Variants in GEMIN5 observed in about 807,000 individuals in gnomAD.
The protein encoded by GEMIN5 is gem nuclear organelle associated protein 5, also known as gem-associated protein 5.
In GEMIN5, 124 loss-of-function variants were observed where a neutral mutation model predicts 176.9. The ratio of observed to expected loss-of-function variants is 0.70; its 90% CI spans 0.61 to 0.81. The LOEUF (loss-of-function observed/expected upper bound fraction) is 0.81. Among genes scored for constraint, GEMIN5 ranks in the 40% least tolerant of loss-of-function variants. GEMIN5 has a pLI of 0.00. For synonymous variants in GEMIN5, 673 were observed against 665.2 expected (o/e 1.01, Z -0.18); for missense variants, 1,843 against 1,814.6 (o/e 1.02, Z -0.28).
At chr5:154,911,977 C>CA (rs1763712491) in intron 14 of GEMIN5, 79 bp from the exon 15 acceptor site, 8 of 1,211,054 alleles carry the variant, frequency 6.6e-6, no homozygotes, top group South Asian at 1.6e-5. Flanking sequence ...TAATTAAAAA[C>CA]AAAAAACAAA....
rs1162076253 is a variant in GEMIN5 at position 154,907,800 on chromosome 5, A to G, written c.2186T>C (p.Leu729Ser). 1.2e-6 allele frequency: 2 copies of G among 1,612,952 alleles called. No individual in the cohort carries two copies. The highest frequency in any genetic ancestry group is 1.7e-6 in the Non-Finnish European group (2 of 1,179,622). ...RPPQGKKSIELEKKRLSQPKA... is the reference protein window; with the variant it reads ...RPPQGKKSIESEKKRLSQPKA... ...AGGTTGAGAGAGCCGTTTTTTCTCC[A>G]ATTCAATACTTTTTTTGCCTACAAG... Residue 729 changes from leucine (L) to serine (S), a missense_variant, in exon 16 of 28, where the codon TTG becomes TCG. Leu to Ser is a moderately radical substitution (Grantham distance 145, BLOSUM62 -2). Transcript: ENST00000285873.
chr5:154,905,223 C>A, intron 17 of GEMIN5, 140 bp downstream of exon 17: 1 of 456,866 alleles, frequency 2.2e-6, no homozygotes, highest in Non-Finnish European at 4.0e-6. Context: ...ACAAAAAACC[C>A]ATAATCAGAA....
intron 11 of GEMIN5, among the ~76,000 whole-genome samples, chr5:154,919,223 T>C (rs957121242): frequency 5.3e-5 from 8 of 151,936 alleles, no homozygotes; most frequent in African/African-American, 1.7e-4. Context: ...CCCAGATACT[T>C]GGGAGGCTGA....
chr5:154,887,958 G>A lies in GEMIN5; in HGVS notation c.*252C>T, dbSNP rs1483878846. The A allele has an allele frequency of 1.5e-5, 7 of 456,796 alleles. No homozygotes were observed. The highest frequency in any genetic ancestry group is 6.0e-5 in the African/African-American group (3 of 50,312). 28.3% of individuals were successfully genotyped at this position (456,796 alleles called of 1,614,324 possible). The stretch of plus-strand genomic sequence containing the variant: ...TAGAGATGACCAACACTCTGCAGGT[G>A]TTAGTTCTGAATAACTACTGTGGGC... On this transcript the variant is annotated 3_prime_UTR_variant, in exon 28 of 28. Transcript: ENST00000285873.
intron 3 of GEMIN5, 21 bp downstream of exon 3, chr5:154,935,820 T>C (rs761686545): frequency 1.3e-6 from 2 of 1,552,682 alleles, no homozygotes; most frequent in Non-Finnish European, 1.8e-6. Context: ...AAATCATCAA[T>C]ACAGATGGCA....
intron 17 of GEMIN5, 113 bp from the exon 18 acceptor site, chr5:154,904,742 A>C (rs1582657905): frequency 1.4e-6 from 1 of 730,104 alleles, no homozygotes; most frequent in East Asian, 2.6e-5. Flanking sequence ...AGGCAGAGAA[A>C]GCTCCTCCTC....
intron 2 of GEMIN5, among the ~76,000 whole-genome samples, chr5:154,936,260 T>A (rs1371352205): frequency 4.6e-5 from 7 of 151,950 alleles, no homozygotes; most frequent in Admixed American, 4.6e-4. Flanking sequence ...GCTAAAAACA[T>A]AAAAAAATTA....
At chr5:154,917,635 T>G (rs1763839811) in intron 12 of GEMIN5, among the ~76,000 whole-genome samples, 1 of 152,188 alleles carries the variant, frequency 6.6e-6, no homozygotes, top group Admixed American at 6.5e-5. Flanking sequence ...TGACTAGGCT[T>G]ACTTTAAAAA....
chr5:154,932,193 A>C lies in GEMIN5; in HGVS notation c.567T>G (p.His189Gln). The C allele has an allele frequency of 6.2e-7, 1 of 1,610,890 alleles. No homozygotes were observed. The highest frequency in any genetic ancestry group is 8.5e-7 in the Non-Finnish European group (1 of 1,176,990). ...TTTCATCATCATGGCCTCGAAGCCT[A>C]TGAATAACTTCTCCTTTCTTACTGA... The part of the protein sequence containing the change: ...IDISKKGEVI[H>Q]RLRGHDDEIH... Residue 189 changes from histidine to glutamine, a missense_variant, in exon 4 of 28, where the codon CAT becomes CAG. Physicochemically the swap from His to Gln is conservative, Grantham distance 24 (BLOSUM62 0). Transcript: ENST00000285873.
Position 154,904,504 on chromosome 5 carries a change from T to C in GEMIN5, c.2632+3A>G. On this transcript the variant is annotated splice_donor_region_variant and intron_variant, in intron 18 of 27. Coordinates refer to ENST00000285873, the MANE Select transcript of GEMIN5 (RefSeq NM_015465.5). ...GATGGGCCAAGGAAGTACATTTTTG[T>C]ACCTCTGGAGTGCTTTGCAGTTGCT... is the stretch of plus-strand genomic sequence containing the variant. 6.2e-7 allele frequency: 1 copy of C among 1,613,330 alleles called. No individual in the cohort carries two copies. The highest frequency in any genetic ancestry group is 1.3e-5 in the African/African-American group (1 of 75,052).
At chr5:154,932,781 TCTCAAACTCCTGGG>T (rs1314851088) in intron 3 of GEMIN5, among the ~76,000 whole-genome samples, 7 of 152,088 alleles carry the variant, frequency 4.6e-5, no homozygotes, top group African/African-American at 1.4e-4. Flanking sequence ...TCATGGCTGG[TCTCAAACTCCTGGG>T]CTCAAGCAAT....
intron 16 of GEMIN5, among the ~76,000 whole-genome samples, chr5:154,906,617 C>T (rs1763573775): frequency 6.6e-6 from 1 of 152,130 alleles, no homozygotes; most frequent in Non-Finnish European, 1.5e-5. Context: ...TGCTGTGTTG[C>T]CCAGGCTGGC....
Position 154,888,004 on chromosome 5 carries a change from G to T in GEMIN5, c.*206C>A. 1 of 553,214 alleles carries T rather than the reference G, an allele frequency of 1.8e-6. No individual in the cohort carries two copies. Among genetic ancestry groups the T allele is most frequent in the Non-Finnish European group, 3.2e-6 (1 of 310,940 alleles). The allele number at this position is 553,214 out of a possible 1,614,324, so 34.3% of individuals were successfully genotyped here. On this transcript the variant is annotated 3_prime_UTR_variant, in exon 28 of 28. Coordinates refer to ENST00000285873, the MANE Select transcript of GEMIN5 (RefSeq NM_015465.5). ...TGGGCTTTTCATGATCTTCCCTCCA[G>T]TAGGAGACCACAATTGAGTCTAAAG...
In GEMIN5 at chr5:154,928,507, C is replaced by A; in HGVS notation, c.914+20G>T. ...GAAAAACAAAATATATCTGAGAAAGCATGACCAAAAAAGACTTACCCAAAA... is the reference window on the plus strand; with the variant it reads ...GAAAAACAAAATATATCTGAGAAAGAATGACCAAAAAAGACTTACCCAAAA... On this transcript the variant is annotated intron_variant, in intron 6 of 27. Coordinates refer to ENST00000285873, the MANE Select transcript of GEMIN5 (RefSeq NM_015465.5). The A allele has an allele frequency of 6.2e-7, 1 of 1,612,314 alleles. No homozygotes were observed. Among genetic ancestry groups the A allele is most frequent in the Non-Finnish European group, 8.5e-7 (1 of 1,178,890 alleles).
At chr5:154,899,446 G>C (rs1763421574) in intron 21 of GEMIN5, 136 bp from the exon 22 acceptor site, 1 of 634,706 alleles carries the variant, frequency 1.6e-6, no homozygotes. Context: ...AACTGCACTT[G>C]CATTATATAG....
intron 7 of GEMIN5, among the ~76,000 whole-genome samples, chr5:154,926,434 A>G (rs1375653952): frequency 6.6e-6 from 1 of 152,166 alleles, no homozygotes; most frequent in East Asian, 1.9e-4. Flanking sequence ...CAGTGGAAAA[A>G]TCAAAGAACT....
chr5:154,936,880 C>A lies in GEMIN5; in HGVS notation c.327+145G>T. 3 of 647,460 alleles carry A rather than the reference C, an allele frequency of 4.6e-6. No homozygotes were observed. In the South Asian group the frequency reaches 7.8e-5, roughly 17 times the overall value. 40.1% of individuals were successfully genotyped at this position (647,460 alleles called of 1,614,324 possible). A position where few individuals can be genotyped will look rare whatever the true frequency, so the allele number is the denominator to read the frequency against. Reference sequence around the variant, plus strand: ...TATCTCCTTTCAAAAAAAGTTGAGACATCTTACAATATAGTTTCTTATCTA... The same window carrying A: ...TATCTCCTTTCAAAAAAAGTTGAGAAATCTTACAATATAGTTTCTTATCTA... On this transcript the variant is annotated intron_variant, in intron 2 of 27. Coordinates refer to ENST00000285873, the MANE Select transcript of GEMIN5 (RefSeq NM_015465.5).
intron 4 of GEMIN5, 22 bp from the exon 5 acceptor site, chr5:154,931,599 T>G: frequency 6.4e-7 from 1 of 1,572,516 alleles, no homozygotes; most frequent in Non-Finnish European, 8.7e-7. Context: ...GTGGCAATTT[T>G]GTTTTTAATT....
At chr5:154,890,606 A>G (rs576554418) in intron 26 of GEMIN5, among the ~76,000 whole-genome samples, 39 of 152,090 alleles carry the variant, frequency 2.6e-4, no homozygotes, top group African/African-American at 8.4e-4. Flanking sequence ...TGGGACTACA[A>G]GTGCATGCCA....
Sources: allele counts gnomAD v4.1 joint callset (sites outside exome capture counted in the v4.1 genomes callset), GRCh38; gene constraint gnomAD v4.1.1; transcripts MANE v1.5; gene names NCBI Gene and HGNC (gene_info 2026-07-23, HGNC 2026-07-21).